The following TGFBI variants were observed in gnomAD, a reference collection of about 807,000 sequenced individuals.
The protein encoded by TGFBI is transforming growth factor beta induced.
In TGFBI, 50 loss-of-function variants were observed where a neutral mutation model predicts 73.7. That is an observed-to-expected ratio of 0.68 (90% CI 0.54 to 0.86). The LOEUF (loss-of-function observed/expected upper bound fraction) is 0.86, where lower values mean the gene tolerates loss of function less well. Among genes scored for constraint, TGFBI ranks in the 40% least tolerant of loss-of-function variants. The pLI is 0.00. For missense variants in TGFBI, 839 were observed against 877.0 expected, an observed-to-expected ratio of 0.96 and a Z score of 0.55; for synonymous variants, 362 against 360.5, an observed-to-expected ratio of 1.00 and a Z score of -0.05.
chr5:136,029,733 G>A (rs981043962), intron 1 of TGFBI, among the ~76,000 whole-genome samples: 1 of 152,204 alleles, frequency 6.6e-6, no homozygotes, highest in Non-Finnish European at 1.5e-5. Context: ...TCTGGGTACA[G>A]CAAGGGCAAT....
At chr5:136,038,215 C>T (rs1751264425) in intron 2 of TGFBI, among the ~76,000 whole-genome samples, 1 of 152,186 alleles carries the variant, frequency 6.6e-6, no homozygotes, top group Non-Finnish European at 1.5e-5. Context: ...TGGGTATTTA[C>T]ATGAACCTAT....
intron 14 of TGFBI, 47 bp downstream of exon 14, chr5:136,060,983 T>C (rs760430064): frequency 2.2e-6 from 3 of 1,370,302 alleles, no homozygotes; most frequent in African/African-American, 1.4e-5. Flanking sequence ...CTTTTCTTCA[T>C]GTGGCAGTTG....
Position 136,044,099 on chromosome 5 carries a change from C to T in TGFBI, c.275C>T (p.Pro92Leu). 1 of 1,613,094 alleles carries T rather than the reference C, an allele frequency of 6.2e-7. No homozygotes were observed. The highest frequency in any genetic ancestry group is 8.5e-7 in the Non-Finnish European group (1 of 1,179,384). Residue 92 changes from proline (P) to leucine (L), a missense_variant, in exon 3 of 17, where the codon CCT becomes CTT. By Grantham distance (98) the Pro-to-Leu change is moderately conservative. Coordinates refer to ENST00000442011, the MANE Select transcript of TGFBI (RefSeq NM_000358.3). ...TGCTGTCCTGGATATGAAAAGGTCC[C>T]TGGGGAGAAGGGCTGTCCAGCAGGT... Reference protein sequence around the residue: ...YECCPGYEKVPGEKGCPAALP... With the variant: ...YECCPGYEKVLGEKGCPAALP...
intron 7 of TGFBI, among the ~76,000 whole-genome samples, chr5:136,052,683 ACT>A (rs772535615): frequency 8.6e-5 from 13 of 151,840 alleles, no homozygotes; most frequent in Non-Finnish European, 1.6e-4. Context: ...AGGCTAAATG[ACT>A]CTCCCAGGGT....
intron 7 of TGFBI, 114 bp downstream of exon 7, chr5:136,049,694 C>A: frequency 7.8e-7 from 1 of 1,288,784 alleles, no homozygotes; most frequent in Admixed American, 2.2e-5. Context: ...CTCAGGATAT[C>A]CACTGCAGCC....
rs966066267 is a variant in TGFBI, at chr5:136,047,275, T to C, written c.626T>C (p.Ile209Thr). ...CATCCTTGCTGCTTCTCTGGGCAGA[T>C]TGTAACTGTGAACTGTGCCCGGCTG... ...NIQIHHYPNG[I>T]VTVNCARLLK... The change falls in exon 6 of 17, where the codon ATT (isoleucine) becomes ACT (threonine). Residue 209 changes from isoleucine (I) to threonine (T), a missense_variant and splice_region_variant. By Grantham distance (89) the Ile-to-Thr change is moderately conservative. Coordinates refer to ENST00000442011, the MANE Select transcript of TGFBI (RefSeq NM_000358.3). The C allele has an allele frequency of 1.2e-6, 2 of 1,613,748 alleles. No homozygotes were observed. Among genetic ancestry groups the C allele is most frequent in the Non-Finnish European group, 1.7e-6 (2 of 1,179,794 alleles).
chr5:136,063,344 C>G lies in TGFBI; in HGVS notation c.*118C>G. On this transcript the variant is annotated 3_prime_UTR_variant, in exon 17 of 17. Coordinates refer to ENST00000442011, the MANE Select transcript of TGFBI (RefSeq NM_000358.3). Reference sequence around the variant, plus strand: ...GTATCACACTTTAATGTACATGGGCCGCACCATAATGAGATGTGAGCCTTG... The same window carrying G: ...GTATCACACTTTAATGTACATGGGCGGCACCATAATGAGATGTGAGCCTTG... The G allele has an allele frequency of 1.1e-6, 1 of 902,636 alleles. No individual in the cohort carries two copies. Among genetic ancestry groups the G allele is most frequent in the Non-Finnish European group, 1.8e-6 (1 of 562,636 alleles). 55.9% of individuals were successfully genotyped at this position (902,636 alleles called of 1,614,324 possible). A position where few individuals can be genotyped will look rare whatever the true frequency, so the allele number is the denominator to read the frequency against.
At chr5:136,030,372 G>T (rs537755471) in intron 1 of TGFBI, among the ~76,000 whole-genome samples, 13 of 152,348 alleles carry the variant, frequency 8.5e-5, no homozygotes, top group African/African-American at 3.1e-4. Flanking sequence ...GCTGCCCCTT[G>T]TAGGGCATAG....
At chr5:136,059,316 T>C in intron 13 of TGFBI, 102 bp downstream of exon 13, 2 of 1,473,966 alleles carry the variant, frequency 1.4e-6, no homozygotes, top group Non-Finnish European at 9.1e-7. Context: ...AACCTTCAAG[T>C]TGCAGCCCGA....
chr5:136,061,209 G>A, intron 14 of TGFBI: 1 of 571,850 alleles, frequency 1.7e-6, no homozygotes, highest in Non-Finnish European at 3.1e-6. Context: ...TCGCGTGGAT[G>A]CTGTCCGCGC....
At position 136,046,722 on chromosome 5, in the gene TGFBI, G is replaced by A. The variant is rs1053208134; in HGVS notation, c.460-129G>A. On this transcript the variant is annotated intron_variant, in intron 4 of 16. Transcript: ENST00000442011. ...GCAGAAAGACTTGGGTGCTTCCTGA[G>A]GAGGGATCCTTGGCAGAAGAGAGGC... 4.5e-6 allele frequency: 6 copies of A among 1,322,992 alleles called. No homozygotes were observed. The African/African-American group carries it at 7.4e-5, about 16-fold the overall frequency. 82.0% of individuals were successfully genotyped at this position (1,322,992 alleles called of 1,614,324 possible).
At chr5:136,032,445 A>T (rs760451969) in intron 1 of TGFBI, among the ~76,000 whole-genome samples, 1 of 152,238 alleles carries the variant, frequency 6.6e-6, no homozygotes, top group Non-Finnish European at 1.5e-5. Context: ...GAATTGTTCA[A>T]GTTCCTGCAG....
chr5:136,060,317 G>A (rs1266268302), intron 13 of TGFBI, among the ~76,000 whole-genome samples: 3 of 152,218 alleles, frequency 2.0e-5, no homozygotes, highest in Admixed American at 1.3e-4. Context: ...AATCCACACA[G>A]GAGATTTGAA....
intron 2 of TGFBI, among the ~76,000 whole-genome samples, chr5:136,043,688 A>G (rs949353922): frequency 6.6e-6 from 1 of 152,214 alleles, no homozygotes; most frequent in African/African-American, 2.4e-5. Flanking sequence ...GGCTCTTTCT[A>G]TTCCTTCCTG....
Position 136,063,401 on chromosome 5 carries a change from T to G in TGFBI, c.*175T>G, listed in dbSNP as rs1192243613. The G allele has an allele frequency of 3.2e-6, 2 of 621,092 alleles. No homozygotes were observed. Among genetic ancestry groups the G allele is most frequent in the East Asian group, 2.8e-5 (1 of 35,466 alleles). 38.5% of individuals were successfully genotyped at this position (621,092 alleles called of 1,614,324 possible). A position where few individuals can be genotyped will look rare whatever the true frequency, so the allele number is the denominator to read the frequency against. On this transcript the variant is annotated 3_prime_UTR_variant, in exon 17 of 17. Transcript: ENST00000442011. ...TGGGGGAGGAGGGAGAGAGATGTAC[T>G]TTTTAAATCATGTTCCCCCTAAACA...
chr5:136,060,665 A>G (rs1751730866), intron 13 of TGFBI, among the ~76,000 whole-genome samples, 169 bp from the exon 14 acceptor site: 1 of 152,210 alleles, frequency 6.6e-6, no homozygotes, highest in Non-Finnish European at 1.5e-5. Flanking sequence ...AGTCGAGATC[A>G]TGCCACTGCA....
chr5:136,054,726 T>TCC lies in TGFBI; in HGVS notation c.1276_1277dup (p.Ile427GlnfsTer14). ...CACCCTTTCTTGTAGATGGAACCCC[T>TCC]CCAATTGATGCCCATACAAGGAATT... On this transcript the variant is annotated frameshift_variant, in exon 10 of 17. Transcript: ENST00000442011. LOFTEE classifies it high-confidence loss of function. The TCC allele has an allele frequency of 6.2e-7, 1 of 1,613,880 alleles. No individual in the cohort carries two copies. The highest frequency in any genetic ancestry group is 8.5e-7 in the Non-Finnish European group (1 of 1,179,864).
intron 3 of TGFBI, among the ~76,000 whole-genome samples, chr5:136,045,284 T>G (rs1751408683): frequency 6.6e-6 from 1 of 152,184 alleles, no homozygotes; most frequent in Non-Finnish European, 1.5e-5. Context: ...GGCTCACGCC[T>G]GTAATCCTAG....
intron 3 of TGFBI, among the ~76,000 whole-genome samples, chr5:136,044,480 A>G (rs1381849924): frequency 1.3e-5 from 2 of 152,232 alleles, no homozygotes; most frequent in African/African-American, 4.8e-5. Flanking sequence ...CTGATAGCCC[A>G]TCAGTTTCCG....
Sources: allele counts gnomAD v4.1 joint callset (sites outside exome capture counted in the v4.1 genomes callset), GRCh38; gene constraint gnomAD v4.1.1; transcripts MANE v1.5; gene names NCBI Gene and HGNC (gene_info 2026-07-23, HGNC 2026-07-21).